Variants in PTPRE observed in about 807,000 individuals in gnomAD.
PTPRE encodes protein tyrosine phosphatase receptor type E, also known as receptor-type tyrosine-protein phosphatase epsilon.
PTPRE carries 51 observed loss-of-function variants against 102.0 expected under a neutral mutation model. That is an observed-to-expected ratio of 0.50 (90% CI 0.40 to 0.63). PTPRE has a LOEUF of 0.63. Among genes scored for constraint, PTPRE ranks in the 30% least tolerant of loss-of-function variants. The pLI is 0.00. For missense variants in PTPRE, 752 were observed against 915.1 expected (o/e 0.82, Z 2.30); for synonymous variants, 345 against 348.2 (o/e 0.99, Z 0.10).
chr10:128,080,437 C>A (rs1851602914), intron 20 of PTPRE, among the ~76,000 whole-genome samples: 1 of 152,228 alleles, frequency 6.6e-6, no homozygotes, highest in Non-Finnish European at 1.5e-5. Context: ...TTCTACGTCC[C>A]CCTCACAGCA....
At chr10:127,966,202 T>A (rs1320829374) in intron 1 of PTPRE, among the ~76,000 whole-genome samples, 1 of 152,176 alleles carries the variant, frequency 6.6e-6, no homozygotes, top group Non-Finnish European at 1.5e-5. Flanking sequence ...TCAGTGTGGT[T>A]TTCTGCCTCT....
At chr10:128,076,970 T>C (rs944398216) in intron 18 of PTPRE, among the ~76,000 whole-genome samples, 2 of 152,116 alleles carry the variant, frequency 1.3e-5, no homozygotes, top group Non-Finnish European at 2.9e-5. Context: ...CCATTAGCTG[T>C]AAGAGGAAGA....
chr10:128,056,404 G>A (rs1355898645), intron 7 of PTPRE, among the ~76,000 whole-genome samples, 191 bp downstream of exon 7: 1 of 152,188 alleles, frequency 6.6e-6, no homozygotes, highest in Non-Finnish European at 1.5e-5. Flanking sequence ...CAGGCCCTGG[G>A]TACCTTGGTT....
chr10:128,034,396 A>C (rs1367099580), intron 2 of PTPRE, among the ~76,000 whole-genome samples: 3 of 151,814 alleles, frequency 2.0e-5, no homozygotes, highest in Non-Finnish European at 4.4e-5. Flanking sequence ...TATTGAAAAC[A>C]AAGGTTATGG....
At chr10:128,047,665 GC>G (rs762414332) in intron 4 of PTPRE, 98 bp from the exon 5 acceptor site, 2 of 1,614,198 alleles carry the variant, frequency 1.2e-6, no homozygotes, top group Admixed American at 3.3e-5. Flanking sequence ...AACAGGAGTA[GC>G]TTTTCCCGGC....
At chr10:128,074,546 A>G (rs1199385063) in intron 17 of PTPRE, among the ~76,000 whole-genome samples, 2 of 152,180 alleles carry the variant, frequency 1.3e-5, no homozygotes, top group African/African-American at 4.8e-5. Flanking sequence ...GGAACCTGCA[A>G]TCCCAGCTAC....
chr10:128,043,112 A>G (rs1050948964), intron 3 of PTPRE, among the ~76,000 whole-genome samples: 1 of 152,198 alleles, frequency 6.6e-6, no homozygotes, highest in Non-Finnish European at 1.5e-5. Context: ...GGTTTAATGG[A>G]AGACAGTTTT....
intron 1 of PTPRE, chr10:127,934,834 G>A (rs1402727403): frequency 6.6e-6 from 1 of 152,316 alleles, no homozygotes; most frequent in Non-Finnish European, 1.5e-5. Flanking sequence ...GCCATGGAAC[G>A]GTGGTCATCC....
intron 2 of PTPRE, among the ~76,000 whole-genome samples, chr10:128,036,954 C>T (rs779862519): frequency 1.3e-5 from 2 of 152,174 alleles, no homozygotes; most frequent in East Asian, 1.9e-4. Flanking sequence ...GGAGCTGACG[C>T]GCAGCATCCA....
At position 128,052,038 on chromosome 10, in the gene PTPRE, T is replaced by A. The variant is rs572015809; in HGVS notation, c.420+2372T>A. On this transcript the variant is annotated intron_variant, in intron 6 of 20. Transcript: ENST00000254667. ...CCACCATGCCCACTGGCTTTTTTAC[T>A]TTTTTTGTAGAGATGGGGTCCCACT... Among the ~76,000 whole-genome samples, 20 of 152,202 alleles carry A rather than the reference T, an allele frequency of 1.3e-4. No homozygotes were observed. In the East Asian group the frequency reaches 1.9e-3, roughly 15 times the overall value.
chr10:127,918,616 G>T (rs1846381264), intron 1 of PTPRE, among the ~76,000 whole-genome samples: 1 of 151,956 alleles, frequency 6.6e-6, no homozygotes, highest in Non-Finnish European at 1.5e-5. Context: ...TATTGAAGGA[G>T]CTTGGGGAAA....
At chr10:128,020,183 C>T (rs944909884) in intron 2 of PTPRE, among the ~76,000 whole-genome samples, 1 of 152,178 alleles carries the variant, frequency 6.6e-6, no homozygotes, top group South Asian at 2.1e-4. Flanking sequence ...TTTTCCACAG[C>T]AGACCTTCTT....
In PTPRE at chr10:127,944,215, A is replaced by G. The variant is rs908645751; in HGVS notation, c.-31+36906A>G. ...AGAATCCAGGGACCAGAACTGGGGTATAAAGTAGGACTGAGAATTAAGAGG... is the reference window on the plus strand; with the variant it reads ...AGAATCCAGGGACCAGAACTGGGGTGTAAAGTAGGACTGAGAATTAAGAGG... On this transcript the variant is annotated intron_variant, in intron 1 of 20. Coordinates refer to ENST00000254667, the MANE Select transcript of PTPRE (RefSeq NM_006504.6). The surrounding 1 kb of genome is among the most constrained non-coding windows in gnomAD (Gnocchi z 4.2). Among the ~76,000 whole-genome samples, 2 of 152,200 alleles carry G rather than the reference A, an allele frequency of 1.3e-5. No homozygotes were observed. Among genetic ancestry groups the G allele is most frequent in the African/African-American group, 2.4e-5 (1 of 41,462 alleles).
Position 128,077,603 on chromosome 10 carries a change from T to C in PTPRE, c.1726-14T>C. On this transcript the variant is annotated splice_polypyrimidine_tract_variant and intron_variant, in intron 18 of 20. Coordinates refer to ENST00000254667, the MANE Select transcript of PTPRE (RefSeq NM_006504.6). Reference sequence around the variant, plus strand: ...GCAGGCAGGCGACGCTGAGACCCCCTCTCCTCCCTGCAGCCCCAGGCCCGC... The same window carrying C: ...GCAGGCAGGCGACGCTGAGACCCCCCCTCCTCCCTGCAGCCCCAGGCCCGC... 2 of 1,594,068 alleles carry C rather than the reference T, an allele frequency of 1.3e-6. No homozygotes were observed. The highest frequency in any genetic ancestry group is 1.3e-5 in the African/African-American group (1 of 74,628).
intron 2 of PTPRE, among the ~76,000 whole-genome samples, chr10:128,005,092 T>C (rs78500786): frequency 0.078 from 11,812 of 152,238 alleles, 650 homozygotes; most frequent in South Asian, 0.13. Flanking sequence ...TATTTGTCTT[T>C]TTGTTGTTGA....
At chr10:127,994,612 A>G (rs1225090662) in intron 2 of PTPRE, among the ~76,000 whole-genome samples, 1 of 152,212 alleles carries the variant, frequency 6.6e-6, no homozygotes. Flanking sequence ...AAATACATGA[A>G]GTCAACTAAC....
At chr10:127,938,709 G>T (rs1337784096) in intron 1 of PTPRE, among the ~76,000 whole-genome samples, 1 of 152,052 alleles carries the variant, frequency 6.6e-6, no homozygotes, top group African/African-American at 2.4e-5. Context: ...TTTTGCTACA[G>T]ATTTGGAGTG....
chr10:128,034,322 A>ACCGCC (rs1215235204), intron 2 of PTPRE, among the ~76,000 whole-genome samples: 57 of 144,632 alleles, frequency 3.9e-4, no homozygotes, highest in African/African-American at 1.4e-3. Flanking sequence ...TCCCCTCCAC[A>ACCGCC]CCACCCCCCC....
At chr10:127,969,714 TTG>T (rs1039139349) in intron 1 of PTPRE, among the ~76,000 whole-genome samples, 7 of 151,378 alleles carry the variant, frequency 4.6e-5, no homozygotes, top group African/African-American at 1.7e-4. Context: ...GACATGAGCT[TTG>T]TGTGTGTTCT....
Sources: gnomAD v4.1 joint callset for allele counts (sites outside exome capture counted in the v4.1 genomes callset) on GRCh38, gnomAD v4.1.1 for gene constraint, Gnocchi (gnomAD v3.1) non-coding constraint, MANE v1.5 for transcripts, NCBI Gene and HGNC (gene_info 2026-07-23, HGNC 2026-07-21) for gene names.